The following RNF19A variants were observed in gnomAD, a reference collection of about 807,000 sequenced individuals.
RNF19A encodes the protein ring finger protein 19A, RBR E3 ubiquitin protein ligase.
RNF19A carries 32 observed loss-of-function variants against 75.7 expected under a neutral mutation model. The observed-to-expected ratio is 0.42, with a 90% confidence interval of 0.32 to 0.57. RNF19A has a LOEUF of 0.57. Ranked by LOEUF, RNF19A falls within the 20% of genes least tolerant of loss-of-function variation. The probability of loss-of-function intolerance (pLI) is 0.10; values close to 1 mark genes in which losing one functional copy is unlikely to be tolerated. For synonymous variants in RNF19A, 335 were observed against 345.2 expected, an observed-to-expected ratio of 0.97 and a Z score of 0.33; for missense variants, 782 against 1,036.3, an observed-to-expected ratio of 0.75 and a Z score of 3.37.
chr8:100,302,547 TAGGAA>T (rs1461680034), intron 1 of RNF19A, among the ~76,000 whole-genome samples: 1 of 152,192 alleles, frequency 6.6e-6, no homozygotes, highest in Non-Finnish European at 1.5e-5. Flanking sequence ...GCCCAGAGAT[TAGGAA>T]AAAAGTAAAG....
rs1287179699 is a variant in RNF19A at position 100,259,438 on chromosome 8, T to C, written c.1827-192A>G. On this transcript the variant is annotated intron_variant, in intron 9 of 9. Coordinates refer to ENST00000341084, the MANE Select transcript of RNF19A (RefSeq NM_183419.4). This position sits in a 1 kb window ranked among gnomAD's most constrained non-coding sequence, Gnocchi z 4.5. Reference sequence around the variant, plus strand: ...TTTATAATGCTTCAATGTTTTAAAATAGTGGTGGACACATTTATTGCTTAT... The same window carrying C: ...TTTATAATGCTTCAATGTTTTAAAACAGTGGTGGACACATTTATTGCTTAT... Among the ~76,000 whole-genome samples, 1 of 152,240 alleles carries C rather than the reference T, an allele frequency of 6.6e-6. No homozygotes were observed. The highest frequency in any genetic ancestry group is 1.5e-5 in the Non-Finnish European group (1 of 68,032).
At chr8:100,307,236 TC>T (rs1165442572) in intron 1 of RNF19A, among the ~76,000 whole-genome samples, 2 of 152,170 alleles carry the variant, frequency 1.3e-5, no homozygotes, top group African/African-American at 4.8e-5. Context: ...CCCTAAGATT[TC>T]CTATATAACC....
At position 100,323,601 on chromosome 8, in the gene RNF19A, C is replaced by T. The variant is rs768462769; in HGVS notation, c.-242-10229G>A. On this transcript the variant is annotated intron_variant, in intron 1 of 3. Coordinates refer to the RNF19A transcript ENST00000519527. This position sits in a 1 kb window ranked among gnomAD's most constrained non-coding sequence, Gnocchi z 4.6. Reference sequence around the variant, plus strand: ...CTCCAGTTTTTAAAATTTCATCTACCTTTGCCAGGGGAATCCCATTAGAAA... The same window carrying T: ...CTCCAGTTTTTAAAATTTCATCTACTTTTGCCAGGGGAATCCCATTAGAAA... 1.3e-5 allele frequency among the ~76,000 whole-genome samples: 2 copies of T among 152,324 alleles called. No homozygotes were observed. The highest frequency in any genetic ancestry group is 2.1e-4 in the South Asian group (1 of 4,828).
intron 5 of RNF19A, among the ~76,000 whole-genome samples, chr8:100,266,565 C>T (rs1278296363): frequency 6.6e-6 from 1 of 152,122 alleles, no homozygotes; most frequent in African/African-American, 2.4e-5. Flanking sequence ...GACTAGAGTG[C>T]AGTGGCACGA....
chr8:100,304,563 T>C (rs1821989127), intron 1 of RNF19A, among the ~76,000 whole-genome samples: 1 of 152,236 alleles, frequency 6.6e-6, no homozygotes, highest in Non-Finnish European at 1.5e-5. Flanking sequence ...TTTCATGATT[T>C]TATTTAAGGA....
intron 2 of RNF19A, among the ~76,000 whole-genome samples, chr8:100,280,516 T>C (rs1376237284): frequency 1.3e-5 from 2 of 152,168 alleles, no homozygotes; most frequent in African/African-American, 4.8e-5. Flanking sequence ...ATGGAAAAGG[T>C]AAGATGTCCT....
rs1458404813 is a variant in RNF19A, at chr8:100,260,549, T to TATG, written c.1683-555_1683-553dup. On this transcript the variant is annotated intron_variant, in intron 8 of 9. Transcript: ENST00000341084. This position sits in a 1 kb window ranked among gnomAD's most constrained non-coding sequence, Gnocchi z 4.1. ...CCTCCCAAAGTGCTGGGATTATAGG[T>TATG]ATGAGCCACTGAGCCCAACCAACAT... is the stretch of plus-strand genomic sequence containing the variant. 1.3e-5 allele frequency among the ~76,000 whole-genome samples: 2 copies of TATG among 152,054 alleles called. No individual in the cohort carries two copies. Among genetic ancestry groups the TATG allele is most frequent in the African/African-American group, 4.8e-5 (2 of 41,380 alleles).
intron 1 of RNF19A, among the ~76,000 whole-genome samples, chr8:100,292,443 T>TGG (rs1278563092): frequency 6.6e-6 from 1 of 151,188 alleles, no homozygotes; most frequent in Non-Finnish European, 1.5e-5. Context: ...TGGGTGTGTG[T>TGG]GTGTGTGTGT....
At chr8:100,285,964 T>C (rs1820997386) in intron 2 of RNF19A, among the ~76,000 whole-genome samples, 1 of 152,200 alleles carries the variant, frequency 6.6e-6, no homozygotes, top group African/African-American at 2.4e-5. Flanking sequence ...GTATTTGTTA[T>C]AATGACTCAC....
intron 2 of RNF19A, among the ~76,000 whole-genome samples, chr8:100,276,507 T>C (rs569964516): frequency 1.3e-5 from 2 of 152,060 alleles, no homozygotes; most frequent in African/African-American, 4.8e-5. Flanking sequence ...ATCCCAGCAC[T>C]TTGTGGGGCC....
Position 100,324,914 on chromosome 8 carries a change from T to C in RNF19A, c.-243+11194A>G, listed in dbSNP as rs1441833993. Among the ~76,000 whole-genome samples the C allele has an allele frequency of 1.3e-5, 2 of 151,912 alleles. No homozygotes were observed. The highest frequency in any genetic ancestry group is 2.9e-5 in the Non-Finnish European group (2 of 67,982). On this transcript the variant is annotated intron_variant, in intron 1 of 3. Coordinates refer to the RNF19A transcript ENST00000519527. This position sits in a 1 kb window ranked among gnomAD's most constrained non-coding sequence, Gnocchi z 4.2. ...CTCTCTCTCTCTTTCTCTCTTTCTTTCTTTCTTTTCTTGATAGAGTCTCAC... is the reference window on the plus strand; with the variant it reads ...CTCTCTCTCTCTTTCTCTCTTTCTTCCTTTCTTTTCTTGATAGAGTCTCAC...
In RNF19A at chr8:100,287,100, A is replaced by G. The variant is rs749157160; in HGVS notation, c.674+401T>C. ...ATTTATCTCATATGAGAAACATGTC[A>G]ACAAAGAGAAAAAAAATAAAGAAGG... On this transcript the variant is annotated intron_variant, in intron 2 of 9. Coordinates refer to ENST00000341084, the MANE Select transcript of RNF19A (RefSeq NM_183419.4). This position sits in a 1 kb window ranked among gnomAD's most constrained non-coding sequence, Gnocchi z 4.1. 3.4e-4 allele frequency among the ~76,000 whole-genome samples: 52 copies of G among 152,292 alleles called. No individual in the cohort carries two copies. Among genetic ancestry groups the G allele is most frequent in the Admixed American group, 4.6e-4 (7 of 15,296 alleles).
At chr8:100,265,060 T>C (rs1819907182) in intron 5 of RNF19A, among the ~76,000 whole-genome samples, 1 of 152,192 alleles carries the variant, frequency 6.6e-6, no homozygotes, top group Non-Finnish European at 1.5e-5. Context: ...TAATCAAAAG[T>C]AGTGTAATTA....
Position 100,261,834 on chromosome 8 carries a change from A to G in RNF19A, c.1469-79T>C. 1.5e-6 allele frequency: 2 copies of G among 1,376,166 alleles called. No homozygotes were observed. Among genetic ancestry groups the G allele is most frequent in the Non-Finnish European group, 2.1e-6 (2 of 965,722 alleles). 85.2% of individuals were successfully genotyped at this position (1,376,166 alleles called of 1,614,324 possible). A position where few individuals can be genotyped will look rare whatever the true frequency, so the allele number is the denominator to read the frequency against. ...TTCTTAAATTCCTCCATGATTTCAG[A>G]GAGGACATTATATAAGGTATAAAAT... On this transcript the variant is annotated intron_variant, in intron 7 of 9. Coordinates refer to ENST00000341084, the MANE Select transcript of RNF19A (RefSeq NM_183419.4). The surrounding 1 kb of genome is among the most constrained non-coding windows in gnomAD (Gnocchi z 4.4).
intron 2 of RNF19A, among the ~76,000 whole-genome samples, chr8:100,285,015 A>C (rs1488519606): frequency 6.6e-6 from 1 of 151,998 alleles, no homozygotes; most frequent in African/African-American, 2.4e-5. Flanking sequence ...CCCTCTTCCT[A>C]CTCTCAAGAG....
intron 1 of RNF19A, among the ~76,000 whole-genome samples, chr8:100,294,725 C>T (rs991339476): frequency 6.0e-4 from 91 of 152,100 alleles, no homozygotes; most frequent in African/African-American, 2.2e-3. Context: ...AGGATATCTT[C>T]ATCTAGGCTT....
chr8:100,299,715 G>A (rs902138258), intron 1 of RNF19A, among the ~76,000 whole-genome samples: 1 of 151,984 alleles, frequency 6.6e-6, no homozygotes, highest in African/African-American at 2.4e-5. Context: ...CCAAGATTGT[G>A]CCATTGCACT....
In RNF19A at chr8:100,261,162, T is replaced by C. The variant is rs1487428116; in HGVS notation, c.1682+380A>G. On this transcript the variant is annotated intron_variant, in intron 8 of 9. Coordinates refer to ENST00000341084, the MANE Select transcript of RNF19A (RefSeq NM_183419.4). This position sits in a 1 kb window ranked among gnomAD's most constrained non-coding sequence, Gnocchi z 4.4. The stretch of plus-strand genomic sequence containing the variant: ...CAGGTTGGAGCTCAGTGGTGTGATC[T>C]TGGCTGACTGCAGCCTCCAACTCCC... Among the ~76,000 whole-genome samples, 1 of 152,146 alleles carries C rather than the reference T, an allele frequency of 6.6e-6. No homozygotes were observed. Among genetic ancestry groups the C allele is most frequent in the Admixed American group, 6.5e-5 (1 of 15,274 alleles).
chr8:100,304,764 T>C (rs1238077693), intron 1 of RNF19A, among the ~76,000 whole-genome samples: 1 of 152,238 alleles, frequency 6.6e-6, no homozygotes, highest in Admixed American at 6.5e-5. Flanking sequence ...CAGTACATTC[T>C]ATATGCACCA....
Sources: allele counts gnomAD v4.1 joint callset (sites outside exome capture counted in the v4.1 genomes callset), GRCh38; gene constraint gnomAD v4.1.1; non-coding constraint Gnocchi (gnomAD v3.1); transcripts MANE v1.5; gene names NCBI Gene and HGNC (gene_info 2026-07-23, HGNC 2026-07-21).